The following SH3RF1 variants were observed in gnomAD, a reference collection of about 807,000 sequenced individuals.
The protein encoded by SH3RF1 is E3 ubiquitin-protein ligase SH3RF1.
Under a neutral mutation model 74.0 loss-of-function variants are expected in SH3RF1, and 32 were observed. That is an observed-to-expected ratio of 0.43 (90% CI 0.33 to 0.58). The LOEUF (loss-of-function observed/expected upper bound fraction) is 0.58. SH3RF1 is among the 20% of genes least tolerant of loss of function. The pLI is 0.05. For missense variants in SH3RF1, 954 were observed against 1,130.9 expected (o/e 0.84, Z 2.24); for synonymous variants, 396 against 439.6 (o/e 0.90, Z 1.24).
chr4:169,153,526 T>G (rs2126963577), intron 4 of SH3RF1, among the ~76,000 whole-genome samples: 1 of 152,314 alleles, frequency 6.6e-6, no homozygotes, highest in East Asian at 1.9e-4. Context: ...TTCCTATAGT[T>G]TGCTTTACCA....
chr4:169,095,182 G>A lies in SH3RF1; in HGVS notation c.*1337C>T, dbSNP rs1245016928. The A allele has an allele frequency of 6.6e-6, 1 of 152,650 alleles. No individual in the cohort carries two copies. The highest frequency in any genetic ancestry group is 1.5e-5 in the Non-Finnish European group (1 of 68,052). 9.5% of individuals were successfully genotyped at this position (152,650 alleles called of 1,614,324 possible). A position where few individuals can be genotyped will look rare whatever the true frequency, so the allele number is the denominator to read the frequency against. On this transcript the variant is annotated 3_prime_UTR_variant, in exon 12 of 12. Coordinates refer to ENST00000284637, the MANE Select transcript of SH3RF1 (RefSeq NM_020870.4). ...GCCTTCCAGAGCTCCACAGTCACAGGAGTAGTCTCCTGGTTAACTCATCCT... is the reference window on the plus strand; with the variant it reads ...GCCTTCCAGAGCTCCACAGTCACAGAAGTAGTCTCCTGGTTAACTCATCCT...
At chr4:169,246,963 CT>C (rs1379705730) in intron 2 of SH3RF1, among the ~76,000 whole-genome samples, 2 of 152,216 alleles carry the variant, frequency 1.3e-5, no homozygotes, top group Non-Finnish European at 2.9e-5. Flanking sequence ...AAGTTCCATT[CT>C]GCAGGAAAAT....
At chr4:169,223,115 C>T (rs1454329952) in intron 2 of SH3RF1, among the ~76,000 whole-genome samples, 1 of 152,182 alleles carries the variant, frequency 6.6e-6, no homozygotes, top group Admixed American at 6.5e-5. Context: ...GACCCTGGAC[C>T]TTCCTGGGGC....
intron 2 of SH3RF1, chr4:169,166,175 T>C (rs1351179334): frequency 6.6e-6 from 1 of 151,920 alleles, no homozygotes; most frequent in Non-Finnish European, 1.5e-5. Context: ...GAAATATATA[T>C]ATATATAATA....
At chr4:169,259,161 T>C (rs543913943) in intron 2 of SH3RF1, among the ~76,000 whole-genome samples, 110 of 152,240 alleles carry the variant, frequency 7.2e-4, no homozygotes, top group African/African-American at 2.5e-3. Flanking sequence ...TGATAAGCAG[T>C]TTTTTCTGGC....
intron 2 of SH3RF1, among the ~76,000 whole-genome samples, chr4:169,173,999 T>TTATATATATATA (rs35680762): frequency 4.0e-5 from 6 of 149,094 alleles, no homozygotes; most frequent in African/African-American, 4.9e-5. Context: ...ATTTCCTGAG[T>TTATATATATATA]TATATATATA....
At chr4:169,147,938 A>G (rs559498360) in intron 4 of SH3RF1, among the ~76,000 whole-genome samples, 29 of 152,126 alleles carry the variant, frequency 1.9e-4, no homozygotes, top group Non-Finnish European at 3.5e-4. Flanking sequence ...GTATATAGCA[A>G]TAATAAAATA....
chr4:169,262,289 T>C (rs1461118378), intron 2 of SH3RF1, among the ~76,000 whole-genome samples: 2 of 152,218 alleles, frequency 1.3e-5, no homozygotes, highest in African/African-American at 2.4e-5. Flanking sequence ...TAATAACATA[T>C]TCTTCTATAT....
At chr4:169,151,899 C>T (rs1265228398) in intron 4 of SH3RF1, among the ~76,000 whole-genome samples, 1 of 152,192 alleles carries the variant, frequency 6.6e-6, no homozygotes, top group Non-Finnish European at 1.5e-5. Flanking sequence ...ATTCCATATT[C>T]AGCACTTATT....
At chr4:169,156,301 A>C in intron 3 of SH3RF1, 103 bp downstream of exon 3, 1 of 1,337,350 alleles carries the variant, frequency 7.5e-7, no homozygotes, top group Non-Finnish European at 1.0e-6. Flanking sequence ...GTTCACACAA[A>C]ACTTGTATTT....
intron 2 of SH3RF1, among the ~76,000 whole-genome samples, chr4:169,240,339 G>A (rs1730887571): frequency 6.6e-6 from 1 of 151,840 alleles, no homozygotes; most frequent in South Asian, 2.1e-4. Flanking sequence ...TGGGACCACA[G>A]GCACAAACCA....
intron 2 of SH3RF1, among the ~76,000 whole-genome samples, chr4:169,163,591 A>T (rs2126968975): frequency 6.6e-6 from 1 of 152,338 alleles, no homozygotes; most frequent in South Asian, 2.1e-4. Flanking sequence ...TTTTGTCCAC[A>T]TCACCTATGT....
intron 2 of SH3RF1, among the ~76,000 whole-genome samples, chr4:169,246,202 A>AAG (rs1730992958): frequency 6.6e-6 from 1 of 152,264 alleles, no homozygotes; most frequent in Admixed American, 6.5e-5. Flanking sequence ...AAATTATTTC[A>AAG]GAATATTTGA....
rs114525742 is a variant in SH3RF1 at position 169,238,140 on chromosome 4, T to C, written c.393+30680A>G. Among the ~76,000 whole-genome samples, 1,296 of 152,320 alleles carry C rather than the reference T, an allele frequency of 8.5e-3. 21 individuals are homozygous for C. Among genetic ancestry groups the C allele is most frequent in the African/African-American group, 0.03 (1,236 of 41,566 alleles). ...GCCCTATCTCTGCCTCCTACTGTAA[T>C]ACTCTAATGCAATATAGTCTTCAAT... On this transcript the variant is annotated intron_variant, in intron 2 of 11. Transcript: ENST00000284637.
chr4:169,121,690 T>C (rs1733437973), intron 7 of SH3RF1, among the ~76,000 whole-genome samples: 1 of 152,196 alleles, frequency 6.6e-6, no homozygotes, highest in African/African-American at 2.4e-5. Flanking sequence ...TATTCTGCCA[T>C]AAATAAACTC....
intron 2 of SH3RF1, among the ~76,000 whole-genome samples, chr4:169,188,480 G>A (rs1734647522): frequency 6.6e-6 from 1 of 152,146 alleles, no homozygotes; most frequent in Non-Finnish European, 1.5e-5. Context: ...AAAACCGAAA[G>A]GCCCTGTATA....
At chr4:169,157,532 G>A (rs543013948) in intron 2 of SH3RF1, among the ~76,000 whole-genome samples, 3 of 152,172 alleles carry the variant, frequency 2.0e-5, no homozygotes, top group Admixed American at 6.5e-5. Context: ...ACTTTTCAAC[G>A]GCATTGGGGG....
Position 169,117,204 on chromosome 4 carries a change from C to T in SH3RF1, c.1777+319G>A, listed in dbSNP as rs190198077. On this transcript the variant is annotated intron_variant, in intron 9 of 11. Transcript: ENST00000284637. ...CAGCACACCCGTTAGTAGAGTATCA[C>T]GCAATGTCACATGGATGGTAGTAGT... 4.0e-5 allele frequency among the ~76,000 whole-genome samples: 6 copies of T among 150,748 alleles called. No individual in the cohort carries two copies. The East Asian group carries it at 7.8e-4, about 20-fold the overall frequency.
intron 6 of SH3RF1, among the ~76,000 whole-genome samples, chr4:169,126,974 T>TC (rs1561030754): frequency 6.6e-6 from 1 of 152,226 alleles, no homozygotes. Flanking sequence ...TACCTTATAA[T>TC]ACCTTGCAGT....
Sources: gnomAD v4.1 joint callset for allele counts (sites outside exome capture counted in the v4.1 genomes callset) on GRCh38, gnomAD v4.1.1 for gene constraint, MANE v1.5 for transcripts, NCBI Gene and HGNC (gene_info 2026-07-23, HGNC 2026-07-21) for gene names.